The following USP32 variants were observed in gnomAD, a reference collection of about 807,000 sequenced individuals.
The protein encoded by USP32 is ubiquitin specific peptidase 32, also known as ubiquitin carboxyl-terminal hydrolase 32.
Under a neutral mutation model 204.8 loss-of-function variants are expected in USP32, and 59 were observed. The observed-to-expected ratio is 0.29, with a 90% CI of 0.23 to 0.36. USP32 has a LOEUF of 0.36. Ranked by LOEUF, USP32 falls within the 10% of genes least tolerant of loss-of-function variation. USP32 has a pLI of 1.00. For missense variants in USP32, 1,160 were observed against 1,946.4 expected, an observed-to-expected ratio of 0.60 and a Z score of 7.60; for synonymous variants, 517 against 678.4, an observed-to-expected ratio of 0.76 and a Z score of 3.70.
At chr17:60,406,623 C>T (rs1005177198) in intron 1 of USP32, among the ~76,000 whole-genome samples, 8 of 152,104 alleles carry the variant, frequency 5.3e-5, no homozygotes, top group African/African-American at 1.7e-4. Flanking sequence ...TCAAGCGATT[C>T]TCCTGCCTCA....
intron 14 of USP32, 134 bp downstream of exon 14, chr17:60,223,277 A>G: frequency 1.4e-6 from 1 of 710,692 alleles, no homozygotes; most frequent in Admixed American, 3.1e-5. Context: ...AATGTACTAT[A>G]CAAAGAGATG....
At position 60,265,398 on chromosome 17, in the gene USP32, C is replaced by A; in HGVS notation, c.990+14G>T. The A allele has an allele frequency of 6.4e-7, 1 of 1,554,494 alleles. No individual in the cohort carries two copies. The highest frequency in any genetic ancestry group is 1.8e-5 in the Admixed American group (1 of 56,850). ...ATTTTTAGAAAAAGATAAATTAGTTCTATCTAGACTCACCTTTGTGGTGTC... is the reference window on the plus strand; with the variant it reads ...ATTTTTAGAAAAAGATAAATTAGTTATATCTAGACTCACCTTTGTGGTGTC... On this transcript the variant is annotated intron_variant, in intron 9 of 33. Coordinates refer to ENST00000300896, the MANE Select transcript of USP32 (RefSeq NM_032582.4).
chr17:60,278,532 G>A (rs886219402), intron 5 of USP32, among the ~76,000 whole-genome samples: 2 of 152,142 alleles, frequency 1.3e-5, no homozygotes, highest in African/African-American at 2.4e-5. Context: ...ATGTGTAAAA[G>A]TCTGAAGGTA....
chr17:60,220,877 T>C (rs2085228651), intron 15 of USP32, among the ~76,000 whole-genome samples: 1 of 151,798 alleles, frequency 6.6e-6, no homozygotes, highest in African/African-American at 2.4e-5. Flanking sequence ...CTCGATCTCC[T>C]GACTTCGTGA....
At chr17:60,182,918 G>A (rs1290044168) in intron 31 of USP32, among the ~76,000 whole-genome samples, 3 of 152,326 alleles carry the variant, frequency 2.0e-5, no homozygotes, top group Non-Finnish European at 2.9e-5. Flanking sequence ...TGTGTGAAGT[G>A]CTTTACTCTC....
rs117640420 is a variant in USP32 at position 60,325,400 on chromosome 17, A to T, written c.186+20081T>A. On this transcript the variant is annotated intron_variant, in intron 2 of 33. Transcript: ENST00000300896. Reference sequence around the variant, plus strand: ...GCCACTGCACTTCAGCCTGGGTGACAGCGCAAGACCCTGTCTCAAAATACA... The same window carrying T: ...GCCACTGCACTTCAGCCTGGGTGACTGCGCAAGACCCTGTCTCAAAATACA... 2.2e-4 allele frequency among the ~76,000 whole-genome samples: 34 copies of T among 152,216 alleles called. No homozygotes were observed. The East Asian group carries it at 6.4e-3, about 29-fold the overall frequency.
intron 13 of USP32, among the ~76,000 whole-genome samples, chr17:60,225,568 A>G (rs1032360862): frequency 6.6e-6 from 1 of 152,228 alleles, no homozygotes; most frequent in African/African-American, 2.4e-5. Context: ...ACAATTGACC[A>G]TTTCATTCAA....
At position 60,288,812 on chromosome 17, in the gene USP32, T is replaced by C. The variant is rs546306570; in HGVS notation, c.412-130A>G. The C allele has an allele frequency of 4.0e-5, 29 of 720,824 alleles. No individual in the cohort carries two copies. In the South Asian group the frequency reaches 4.8e-4, roughly 12 times the overall value. 44.7% of individuals were successfully genotyped at this position (720,824 alleles called of 1,614,324 possible). On this transcript the variant is annotated intron_variant, in intron 4 of 33. Transcript: ENST00000300896. ...TGTCTACAAAGGAAGGATTATCTAA[T>C]AACACTGCAGGGTGTATATACATAT...
At chr17:60,294,041 ATATAT>A (rs1480073398) in intron 4 of USP32, among the ~76,000 whole-genome samples, 1 of 152,164 alleles carries the variant, frequency 6.6e-6, no homozygotes, top group Non-Finnish European at 1.5e-5. Flanking sequence ...CACAATGAAA[ATATAT>A]TATTTTTGAA....
At chr17:60,353,326 C>T in intron 1 of USP32, among the ~76,000 whole-genome samples, 1 of 152,138 alleles carries the variant, frequency 6.6e-6, no homozygotes, top group Non-Finnish European at 1.5e-5. Context: ...AACGTTATTT[C>T]CAATGGGAAA....
intron 2 of USP32, among the ~76,000 whole-genome samples, chr17:60,333,595 T>A (rs1234375579): frequency 7.0e-6 from 1 of 142,484 alleles, no homozygotes; most frequent in East Asian, 2.1e-4. Flanking sequence ...TGAGACTCCA[T>A]CTCAAAAACA....
chr17:60,368,423 T>C (rs1363572494), intron 1 of USP32, among the ~76,000 whole-genome samples: 1 of 152,030 alleles, frequency 6.6e-6, no homozygotes, highest in African/African-American at 2.4e-5. Context: ...GAAATCCCAA[T>C]ATAAACATTT....
chr17:60,219,200 A>G (rs573303290), intron 16 of USP32, among the ~76,000 whole-genome samples: 1 of 152,208 alleles, frequency 6.6e-6, no homozygotes, highest in South Asian at 2.1e-4. Context: ...AAACAACAAC[A>G]AAAACCTTAA....
intron 1 of USP32, among the ~76,000 whole-genome samples, chr17:60,372,099 A>G (rs1183399146): frequency 6.6e-6 from 1 of 152,190 alleles, no homozygotes; most frequent in East Asian, 1.9e-4. Flanking sequence ...GGGAGAGACA[A>G]CTAAATTCTC....
intron 16 of USP32, among the ~76,000 whole-genome samples, chr17:60,217,002 C>T (rs1456299519): frequency 6.6e-6 from 1 of 151,988 alleles, no homozygotes; most frequent in Non-Finnish European, 1.5e-5. Context: ...CAAATTAAAA[C>T]CAAATTTGGA....
exon 1 of USP32, chr17:60,422,359 C>G (rs2090131006): frequency 6.4e-6 from 7 of 1,096,720 alleles, no homozygotes; most frequent in Non-Finnish European, 7.4e-6. Flanking sequence ...CATCTTGCTC[C>G]GTTCCCTAGT....
chr17:60,258,960 T>C (rs1441850331), intron 9 of USP32, among the ~76,000 whole-genome samples: 1 of 152,228 alleles, frequency 6.6e-6, no homozygotes, highest in Non-Finnish European at 1.5e-5. Flanking sequence ...CTAGAACTAC[T>C]TTTTTACACA....
chr17:60,249,485 T>C, intron 11 of USP32: 2 of 464,592 alleles, frequency 4.3e-6, no homozygotes, highest in Non-Finnish European at 7.6e-6. Flanking sequence ...ACCAGTATTT[T>C]ATCCCCAAGC....
chr17:60,391,794 A>G, intron 1 of USP32, 88 bp downstream of exon 1: 3 of 1,439,192 alleles, frequency 2.1e-6, no homozygotes, highest in East Asian at 2.5e-5. Flanking sequence ...CCACGCCCTC[A>G]ATCTCCCCTC....
Sources: allele counts gnomAD v4.1 joint callset (sites outside exome capture counted in the v4.1 genomes callset), GRCh38; gene constraint gnomAD v4.1.1; transcripts MANE v1.5; gene names NCBI Gene and HGNC (gene_info 2026-07-23, HGNC 2026-07-21).